ERC2: variants seen among roughly 807,000 people sequenced by gnomAD.
ERC2 encodes ERC protein 2.
ERC2 carries 42 observed loss-of-function variants against 114.8 expected under a neutral mutation model. That is an observed-to-expected ratio of 0.37 (90% CI 0.29 to 0.47). The LOEUF (loss-of-function observed/expected upper bound fraction) is 0.47. ERC2 is among the 20% of genes least tolerant of loss of function. ERC2 has a pLI of 0.99. For missense variants in ERC2, 939 were observed against 1,150.7 expected (o/e 0.82, Z 2.66); for synonymous variants, 454 against 425.5 (o/e 1.07, Z -0.82).
intron 14 of ERC2, among the ~76,000 whole-genome samples, chr3:55,804,101 A>G (rs779440599): frequency 6.6e-6 from 1 of 152,184 alleles, no homozygotes; most frequent in Non-Finnish European, 1.5e-5. Context: ...TATATTTTCA[A>G]ATATTAGAAA....
At chr3:55,907,873 G>GTGC (rs1361888845) in intron 13 of ERC2, among the ~76,000 whole-genome samples, 3 of 152,188 alleles carry the variant, frequency 2.0e-5, no homozygotes, top group Non-Finnish European at 4.4e-5. Context: ...TAAACGATAA[G>GTGC]TATTATTTAC....
chr3:56,300,764 C>T (rs745750729), intron 2 of ERC2, among the ~76,000 whole-genome samples: 19 of 152,212 alleles, frequency 1.2e-4, no homozygotes, highest in Non-Finnish European at 1.9e-4. Context: ...CACCCACCTA[C>T]GTAAGTGGTA....
chr3:56,156,877 G>T (rs1346244328), intron 4 of ERC2, among the ~76,000 whole-genome samples: 3 of 152,078 alleles, frequency 2.0e-5, no homozygotes, highest in Non-Finnish European at 4.4e-5. Flanking sequence ...TCTTTTGGAG[G>T]ATTGGGGAAC....
chr3:55,557,139 C>T (rs1433663381), intron 17 of ERC2, among the ~76,000 whole-genome samples: 1 of 152,134 alleles, frequency 6.6e-6, no homozygotes, highest in Non-Finnish European at 1.5e-5. Context: ...CTTCTTCTGG[C>T]TTTAGGCCAG....
chr3:56,030,935 C>T lies in ERC2; in HGVS notation c.1642-11904G>A, dbSNP rs138387005. 8.1e-3 allele frequency among the ~76,000 whole-genome samples: 1,234 copies of T among 152,286 alleles called. 7 individuals are homozygous for T. The highest frequency in any genetic ancestry group is 0.013 in the Non-Finnish European group (853 of 68,030). Reference sequence around the variant, plus strand: ...CATGGGGAAAAGAGAGTGAAATGAGCACCTGACTTTGCCAAAGATCCTAGC... The same window carrying T: ...CATGGGGAAAAGAGAGTGAAATGAGTACCTGACTTTGCCAAAGATCCTAGC... On this transcript the variant is annotated intron_variant, in intron 7 of 17. Coordinates refer to ENST00000288221, the MANE Select transcript of ERC2 (RefSeq NM_015576.3).
chr3:55,715,754 G>T (rs575022577), intron 15 of ERC2, among the ~76,000 whole-genome samples: 61 of 152,262 alleles, frequency 4.0e-4, no homozygotes, highest in African/African-American at 1.2e-3. Flanking sequence ...TTTAGTTCTG[G>T]AATTTTAAGG....
chr3:55,770,487 G>A lies in ERC2; in HGVS notation c.2565-35569C>T, dbSNP rs947233444. ...ATGACAGAAATCAACTGGAACAGAGGAGTGAGTGCCCCCTTCCCCCTTTGA... is the reference window on the plus strand; with the variant it reads ...ATGACAGAAATCAACTGGAACAGAGAAGTGAGTGCCCCCTTCCCCCTTTGA... On this transcript the variant is annotated intron_variant, in intron 14 of 17. Coordinates refer to ENST00000288221, the MANE Select transcript of ERC2 (RefSeq NM_015576.3). Among the ~76,000 whole-genome samples the A allele has an allele frequency of 2.0e-5, 3 of 152,288 alleles. No homozygotes were observed. In the East Asian group the frequency reaches 5.8e-4, roughly 29 times the overall value.
At position 55,551,496 on chromosome 3, in the gene ERC2, C is replaced by T. The variant is rs1201209259; in HGVS notation, c.*40-40220G>A. The stretch of plus-strand genomic sequence containing the variant: ...TTTCACGGTGCCACTGCACTCCAGC[C>T]TTGGAGACAGAGTGCGATTCCGTCT... On this transcript the variant is annotated intron_variant, in intron 17 of 17. Transcript: ENST00000288221. Among the ~76,000 whole-genome samples, 3 of 152,136 alleles carry T rather than the reference C, an allele frequency of 2.0e-5. No homozygotes were observed. The East Asian group carries it at 5.8e-4, about 29-fold the overall frequency.
At chr3:56,184,261 A>G (rs1270014472) in intron 3 of ERC2, among the ~76,000 whole-genome samples, 1 of 152,180 alleles carries the variant, frequency 6.6e-6, no homozygotes, top group Non-Finnish European at 1.5e-5. Flanking sequence ...TGTCATAGGG[A>G]GAAACAATAA....
chr3:55,727,449 A>G (rs1008165777), intron 15 of ERC2, among the ~76,000 whole-genome samples: 2 of 152,182 alleles, frequency 1.3e-5, no homozygotes, highest in African/African-American at 2.4e-5. Flanking sequence ...ACTAGAATCA[A>G]TCCTTTATCT....
chr3:55,563,976 C>G (rs1307725497), intron 17 of ERC2, among the ~76,000 whole-genome samples: 1 of 152,200 alleles, frequency 6.6e-6, no homozygotes, highest in Non-Finnish European at 1.5e-5. Context: ...GTGATCAAGA[C>G]CATAAGAGAA....
At chr3:55,816,725 G>C (rs563558856) in intron 14 of ERC2, among the ~76,000 whole-genome samples, 8 of 151,998 alleles carry the variant, frequency 5.3e-5, no homozygotes, top group Admixed American at 2.6e-4. Context: ...GGGATAAATT[G>C]GGTTATTCTA....
At chr3:56,311,820 TG>T (rs1352316810) in intron 2 of ERC2, among the ~76,000 whole-genome samples, 1 of 2,300 alleles carries the variant, frequency 4.3e-4, no homozygotes, top group Non-Finnish European at 2.3e-3. Context: ...TACATATAAA[TG>T]TGTGTGTGTG....
At chr3:55,950,715 T>A in intron 12 of ERC2, 155 bp from the exon 13 acceptor site, 14 of 876,884 alleles carry the variant, frequency 1.6e-5, no homozygotes, top group Non-Finnish European at 2.3e-5. Flanking sequence ...ACTACAAATA[T>A]GTATTGAGCA....
At chr3:55,913,822 T>G (rs987597574) in intron 13 of ERC2, among the ~76,000 whole-genome samples, 1 of 152,200 alleles carries the variant, frequency 6.6e-6, no homozygotes, top group Admixed American at 6.5e-5. Flanking sequence ...AATGCAGTGA[T>G]GAGCAAGCCT....
chr3:55,802,732 G>T (rs9835700), intron 14 of ERC2, among the ~76,000 whole-genome samples: 4,682 of 152,212 alleles, frequency 0.031, 237 homozygotes, highest in African/African-American at 0.11. Context: ...ACCCAAGTTA[G>T]TTGTTAAGGA....
intron 16 of ERC2, among the ~76,000 whole-genome samples, chr3:55,690,642 A>G (rs2062594277): frequency 1.3e-5 from 2 of 152,202 alleles, no homozygotes; most frequent in South Asian, 2.1e-4. Flanking sequence ...AGTAAAAGAA[A>G]AAAAAAACAC....
intron 13 of ERC2, among the ~76,000 whole-genome samples, chr3:55,938,767 G>A (rs932655758): frequency 2.6e-5 from 4 of 152,052 alleles, no homozygotes; most frequent in Admixed American, 2.0e-4. Flanking sequence ...TTTTCAACCC[G>A]TATAATTGAC....
intron 17 of ERC2, among the ~76,000 whole-genome samples, chr3:55,666,865 G>A (rs1376630799): frequency 3.3e-5 from 5 of 152,068 alleles, no homozygotes; most frequent in South Asian, 2.1e-4. Flanking sequence ...GGCAACTTTC[G>A]TAAACTCTCT....
Sources: gnomAD v4.1 joint callset for allele counts (sites outside exome capture counted in the v4.1 genomes callset) on GRCh38, gnomAD v4.1.1 for gene constraint, MANE v1.5 for transcripts, NCBI Gene and HGNC (gene_info 2026-07-23, HGNC 2026-07-21) for gene names.